The following TMEM117 variants were observed in gnomAD, a reference collection of about 807,000 sequenced individuals.
The protein encoded by TMEM117 is transmembrane protein 117.
TMEM117 carries 27 observed loss-of-function variants against 52.4 expected under a neutral mutation model. The ratio of observed to expected loss-of-function variants is 0.51; its 90% CI spans 0.38 to 0.71. TMEM117 has a LOEUF of 0.71. Ranked by LOEUF, TMEM117 falls within the 30% of genes least tolerant of loss-of-function variation. The pLI is 0.00. For synonymous variants in TMEM117, 215 were observed against 206.3 expected, an observed-to-expected ratio of 1.04 and a Z score of -0.36; for missense variants, 556 against 630.5, an observed-to-expected ratio of 0.88 and a Z score of 1.26.
chr12:43,903,773 C>T (rs1009931910), intron 2 of TMEM117, among the ~76,000 whole-genome samples: 3 of 152,078 alleles, frequency 2.0e-5, no homozygotes, highest in African/African-American at 7.2e-5. Context: ...CAGCCTGGGC[C>T]ATTTATATGC....
intron 5 of TMEM117, among the ~76,000 whole-genome samples, chr12:44,282,232 C>T (rs1950586563): frequency 6.6e-6 from 1 of 152,126 alleles, no homozygotes; most frequent in South Asian, 2.1e-4. Context: ...TCAGGTATGT[C>T]AGTGTCAGAC....
intron 5 of TMEM117, among the ~76,000 whole-genome samples, chr12:44,231,472 G>A (rs1949932476): frequency 1.3e-5 from 2 of 151,132 alleles, no homozygotes; most frequent in African/African-American, 2.4e-5. Flanking sequence ...TTGGATGATG[G>A]GTATCCCCAT....
At chr12:43,856,526 C>G (rs1354624244) in intron 2 of TMEM117, among the ~76,000 whole-genome samples, 3 of 152,206 alleles carry the variant, frequency 2.0e-5, no homozygotes, top group Admixed American at 1.3e-4. Flanking sequence ...TACCCCATCA[C>G]AATCCTCCTC....
intron 3 of TMEM117, among the ~76,000 whole-genome samples, chr12:44,093,199 T>G (rs1225907020): frequency 2.0e-5 from 3 of 152,098 alleles, no homozygotes; most frequent in Non-Finnish European, 4.4e-5. Flanking sequence ...AAGGGAGATT[T>G]TTTTTCTGAA....
At chr12:44,384,472 T>A (rs986235160) in intron 7 of TMEM117, among the ~76,000 whole-genome samples, 1 of 152,094 alleles carries the variant, frequency 6.6e-6, no homozygotes, top group Non-Finnish European at 1.5e-5. Context: ...CACGATCCCC[T>A]GTTTTTTAGT....
At chr12:43,863,785 G>A (rs1254415660) in intron 2 of TMEM117, among the ~76,000 whole-genome samples, 1 of 152,176 alleles carries the variant, frequency 6.6e-6, no homozygotes, top group Non-Finnish European at 1.5e-5. Flanking sequence ...TGGCCTCAGC[G>A]CCCATTCTGG....
chr12:43,893,359 C>T (rs1428664182), intron 2 of TMEM117, among the ~76,000 whole-genome samples: 2 of 152,106 alleles, frequency 1.3e-5, no homozygotes, highest in African/African-American at 2.4e-5. Flanking sequence ...AGTGAAGAGG[C>T]GAGGATATTA....
intron 2 of TMEM117, among the ~76,000 whole-genome samples, chr12:43,888,034 A>C (rs1418334472): frequency 6.6e-6 from 1 of 152,214 alleles, no homozygotes; most frequent in African/African-American, 2.4e-5. Flanking sequence ...TCTGTAGAAG[A>C]GAAGTAAAGC....
chr12:44,344,705 A>G (rs1377345198), intron 6 of TMEM117, among the ~76,000 whole-genome samples: 11 of 152,080 alleles, frequency 7.2e-5, no homozygotes, highest in Non-Finnish European at 1.5e-4. Flanking sequence ...TTGTGACTCT[A>G]AGCTCATCTG....
chr12:44,277,054 T>C (rs952148847), intron 5 of TMEM117, among the ~76,000 whole-genome samples: 1 of 152,118 alleles, frequency 6.6e-6, no homozygotes, highest in East Asian at 1.9e-4. Context: ...CATTATTCTT[T>C]CTCGTGAAAT....
chr12:43,915,137 A>T (rs1944579634), intron 2 of TMEM117, among the ~76,000 whole-genome samples: 1 of 152,204 alleles, frequency 6.6e-6, no homozygotes, highest in African/African-American at 2.4e-5. Context: ...CTTTCCAGGC[A>T]TACAGACATC....
At chr12:44,041,127 G>A (rs142288100) in intron 3 of TMEM117, among the ~76,000 whole-genome samples, 1,923 of 151,992 alleles carry the variant, frequency 0.013, 29 homozygotes, top group African/African-American at 0.043. Flanking sequence ...AAGTTTTAGG[G>A]TACATGTGCA....
intron 5 of TMEM117, among the ~76,000 whole-genome samples, chr12:44,222,048 A>G (rs1047727077): frequency 6.6e-6 from 1 of 152,012 alleles, no homozygotes; most frequent in Non-Finnish European, 1.5e-5. Context: ...TTACTTTATA[A>G]TGATGGAGGA....
intron 5 of TMEM117, among the ~76,000 whole-genome samples, chr12:44,224,304 T>TA (rs1239359710): frequency 6.6e-6 from 1 of 152,172 alleles, no homozygotes; most frequent in Non-Finnish European, 1.5e-5. Flanking sequence ...TATTAGGCGT[T>TA]AGAGATTTTA....
chr12:44,204,206 A>C (rs1565588236), intron 4 of TMEM117, among the ~76,000 whole-genome samples: 1 of 152,180 alleles, frequency 6.6e-6, no homozygotes, highest in Non-Finnish European at 1.5e-5. Context: ...CTGATAAACA[A>C]TTTCTGTAAA....
chr12:43,918,781 A>C (rs986185417), intron 2 of TMEM117, among the ~76,000 whole-genome samples: 3 of 152,176 alleles, frequency 2.0e-5, no homozygotes, highest in Non-Finnish European at 2.9e-5. Flanking sequence ...AAAGCATTTT[A>C]ATATTCTCAC....
At chr12:44,250,428 G>A (rs1950182983) in intron 5 of TMEM117, among the ~76,000 whole-genome samples, 1 of 152,148 alleles carries the variant, frequency 6.6e-6, no homozygotes, top group South Asian at 2.1e-4. Flanking sequence ...AATACAATGT[G>A]GCAATTCCTC....
the TMEM117 span, among the ~76,000 whole-genome samples, chr12:43,829,660 C>A: frequency 6.6e-6 from 1 of 152,178 alleles, no homozygotes; most frequent in Non-Finnish European, 1.5e-5. Flanking sequence ...TCAAAACTCC[C>A]CAAAGGCAAA....
intron 3 of TMEM117, among the ~76,000 whole-genome samples, chr12:43,986,561 TG>T (rs1184874169): frequency 6.6e-6 from 1 of 152,168 alleles, no homozygotes. Context: ...CATCTAAATG[TG>T]GATTTCTTTT....
Sources: gnomAD v4.1 joint callset for allele counts (sites outside exome capture counted in the v4.1 genomes callset) on GRCh38, gnomAD v4.1.1 for gene constraint, MANE v1.5 for transcripts, NCBI Gene and HGNC (gene_info 2026-07-23, HGNC 2026-07-21) for gene names.